Variants in OTOGL observed in about 807,000 individuals in gnomAD.
OTOGL encodes the protein otogelin like, also known as otogelin-like protein.
In OTOGL, 285 loss-of-function variants were observed where a neutral mutation model predicts 318.5. That is an observed-to-expected ratio of 0.89 (90% CI 0.81 to 0.99). The LOEUF (loss-of-function observed/expected upper bound fraction) is 0.99, where lower values mean the gene tolerates loss of function less well. Ranked by LOEUF, OTOGL falls within the 50% of genes least tolerant of loss-of-function variation. The pLI, the probability that OTOGL is intolerant of heterozygous loss-of-function variation, is 0.00. For synonymous variants in OTOGL, 987 were observed against 936.5 expected (o/e 1.05, Z -0.99); for missense variants, 2,899 against 2,845.6 (o/e 1.02, Z -0.43).
At chr12:80,305,825 C>A in intron 29 of OTOGL, 130 bp downstream of exon 29, 1 of 770,308 alleles carries the variant, frequency 1.3e-6, no homozygotes, top group Non-Finnish European at 1.8e-6. Flanking sequence ...AGCTGATAAA[C>A]ATTCATATTT....
chr12:80,121,578 C>T (rs900553426), intron 1 of OTOGL, among the ~76,000 whole-genome samples: 4 of 152,056 alleles, frequency 2.6e-5, no homozygotes, highest in African/African-American at 9.7e-5. Context: ...CGAAACAAAA[C>T]AAAATAAAAA....
intron 29 of OTOGL, 137 bp downstream of exon 29, chr12:80,305,832 A>G: frequency 2.7e-6 from 2 of 742,702 alleles, no homozygotes; most frequent in Non-Finnish European, 3.8e-6. Flanking sequence ...AAACATTCAT[A>G]TTTATCTTCT....
chr12:80,209,466 C>T lies in OTOGL; in HGVS notation c.35C>T (p.Pro12Leu), dbSNP rs1488132683. The T allele has an allele frequency of 6.6e-7, 1 of 1,514,276 alleles. No individual in the cohort carries two copies. Among genetic ancestry groups the T allele is most frequent in the South Asian group, 1.2e-5 (1 of 80,946 alleles). The allele number at this position is 1,514,276 out of a possible 1,614,324, so 93.8% of individuals were successfully genotyped here. A position where few individuals can be genotyped will look rare whatever the true frequency, so the allele number is the denominator to read the frequency against. Reference sequence around the variant, plus strand: ...GTAAGAAAACTCAATTTAATGATACCTTGGAGTATATTCTTGCTTCATGTA... The same window carrying T: ...GTAAGAAAACTCAATTTAATGATACTTTGGAGTATATTCTTGCTTCATGTA... ...NIVRKLNLMI[P>L]WSIFLLHVLL... The change falls in exon 2 of 59, where the codon CCT (proline) becomes CTT (leucine). Residue 12 changes from proline to leucine, a missense_variant. Pro to Leu is a moderately conservative substitution (Grantham distance 98). This residue lies in a region of OTOGL where 2,607 missense variants were observed against 2,524.9 expected (regional missense o/e 1.03). Coordinates refer to ENST00000547103, the MANE Select transcript of OTOGL (RefSeq NM_001378609.3).
intron 52 of OTOGL, among the ~76,000 whole-genome samples, chr12:80,361,652 G>A (rs1344249597): frequency 6.6e-6 from 1 of 151,944 alleles, no homozygotes. Flanking sequence ...GCTATCTTTT[G>A]TCTTCTTGAT....
chr12:80,222,343 A>G, intron 7 of OTOGL, 98 bp downstream of exon 7: 2 of 1,159,860 alleles, frequency 1.7e-6, no homozygotes, highest in Non-Finnish European at 2.3e-6. Context: ...ATATACTAAT[A>G]ATAGAATGAA....
chr12:80,328,665 G>C lies in OTOGL; in HGVS notation c.4200G>C (p.Pro1400=), dbSNP rs780895973. Residue 1400 remains proline (P), a splice_region_variant and synonymous_variant, in exon 36 of 59, where the codon CCG becomes CCC. Coordinates refer to ENST00000547103, the MANE Select transcript of OTOGL (RefSeq NM_001378609.3). ...PEALACKFLP[P]VEGCLPYCPK... is the part of the protein sequence containing the mutation. ...GATTTACTCTTTTTTCCATGTAAAGGGTTGAAGGATGCTTGCCCTACTGCC... is the reference window on the plus strand; with the variant it reads ...GATTTACTCTTTTTTCCATGTAAAGCGTTGAAGGATGCTTGCCCTACTGCC... 3.8e-6 allele frequency: 6 copies of C among 1,591,122 alleles called. No individual in the cohort carries two copies. The highest frequency in any genetic ancestry group is 5.2e-6 in the Non-Finnish European group (6 of 1,160,036).
intron 57 of OTOGL, among the ~76,000 whole-genome samples, chr12:80,372,791 C>G (rs1284448959): frequency 2.0e-5 from 3 of 151,816 alleles, no homozygotes; most frequent in Admixed American, 6.6e-5. Context: ...CGGGTCCAAG[C>G]AATTCTCATG....
intron 1 of OTOGL, among the ~76,000 whole-genome samples, chr12:80,113,282 GTCT>G (rs1464103773): frequency 6.6e-5 from 10 of 152,114 alleles, no homozygotes; most frequent in Middle Eastern, 3.4e-3. Context: ...GTTATTTCTT[GTCT>G]TCTTCTAGCT....
intron 1 of OTOGL, among the ~76,000 whole-genome samples, chr12:80,203,944 C>A (rs1876635486): frequency 6.6e-6 from 1 of 152,146 alleles, no homozygotes; most frequent in South Asian, 2.1e-4. Flanking sequence ...TAAGAATCAC[C>A]TCTGCATTCT....
chr12:80,223,535 A>G (rs958466690), intron 7 of OTOGL, among the ~76,000 whole-genome samples: 1 of 152,106 alleles, frequency 6.6e-6, no homozygotes, highest in Non-Finnish European at 1.5e-5. Flanking sequence ...GTACTAGTTT[A>G]AATTACCAAC....
intron 11 of OTOGL, among the ~76,000 whole-genome samples, chr12:80,240,751 G>T (rs960205167): frequency 6.6e-6 from 1 of 152,054 alleles, no homozygotes; most frequent in Non-Finnish European, 1.5e-5. Flanking sequence ...TAAGGTCACA[G>T]ATTCCTGCAT....
chr12:80,342,568 C>T (rs1888851109), intron 44 of OTOGL, among the ~76,000 whole-genome samples: 1 of 152,148 alleles, frequency 6.6e-6, no homozygotes, highest in Non-Finnish European at 1.5e-5. Flanking sequence ...TTTACTTGGT[C>T]TTTATTAGTC....
rs1177351256 is a variant in OTOGL, at chr12:80,279,146, T to C, written c.2908T>C (p.Cys970Arg). 3.1e-6 allele frequency: 5 copies of C among 1,591,098 alleles called. No individual in the cohort carries two copies. Among genetic ancestry groups the C allele is most frequent in the Non-Finnish European group, 4.3e-6 (5 of 1,175,644 alleles). The change falls in exon 26 of 59, where the codon TGC becomes CGC. Residue 970 changes from cysteine (C) to arginine (R), a missense_variant. Cys to Arg is a radical substitution (Grantham distance 180, BLOSUM62 -3). This residue lies in a region of OTOGL where 2,607 missense variants were observed against 2,524.9 expected (regional missense o/e 1.03). Transcript: ENST00000547103. ...DGLEYDYISD[C>R]QVFLIKSADD... ...ACTAGAATATGACTATATCAGTGAT[T>C]GCCAGGTGTTTTTGATAAAGGTAGG... is the stretch of plus-strand genomic sequence containing the variant.
intron 1 of OTOGL, among the ~76,000 whole-genome samples, chr12:80,126,955 T>A (rs1316913938): frequency 6.6e-6 from 1 of 152,192 alleles, no homozygotes; most frequent in African/African-American, 2.4e-5. Context: ...GAGATGGGTT[T>A]CCTGAATACA....
At chr12:80,349,755 G>C (rs1241133878) in intron 44 of OTOGL, among the ~76,000 whole-genome samples, 2 of 151,994 alleles carry the variant, frequency 1.3e-5, no homozygotes, top group African/African-American at 2.4e-5. Context: ...TGAAAAGAAA[G>C]TCAAATCTTA....
At chr12:80,101,213 A>AAAGGTTG (rs1162326045) in intron 1 of OTOGL, among the ~76,000 whole-genome samples, 1 of 152,172 alleles carries the variant, frequency 6.6e-6, no homozygotes, top group African/African-American at 2.4e-5. Context: ...CTCCTACGTG[A>AAAGGTTG]AAGGTTGATG....
chr12:80,314,502 G>A (rs952376752), intron 32 of OTOGL, among the ~76,000 whole-genome samples, 171 bp downstream of exon 32: 1 of 151,982 alleles, frequency 6.6e-6, no homozygotes, highest in Non-Finnish European at 1.5e-5. Flanking sequence ...CAGTATTTGT[G>A]TTAAGATTTA....
rs55860009 is a variant in OTOGL, at chr12:80,202,270, ATTT to A, written c.-19-7127_-19-7125del. ...CCTCTTGTCTAGTATCTTTTCTTTA[ATTT>A]TTTTTTTTTTTTTTTGAGAAGGAGT... On this transcript the variant is annotated intron_variant, in intron 1 of 58. Coordinates refer to ENST00000547103, the MANE Select transcript of OTOGL (RefSeq NM_001378609.3). Among the ~76,000 whole-genome samples the A allele has an allele frequency of 6.3e-4, 77 of 121,904 alleles. 1 individual carries two copies. The highest frequency in any genetic ancestry group is 2.3e-3 in the East Asian group (10 of 4,298). 80.0% of individuals were successfully genotyped at this position (121,904 alleles called of 152,430 possible).
chr12:80,168,102 C>T (rs969823598), intron 1 of OTOGL, among the ~76,000 whole-genome samples: 4 of 151,762 alleles, frequency 2.6e-5, no homozygotes, highest in African/African-American at 7.3e-5. Context: ...AGACTCCAGG[C>T]GCACGCCACC....
Sources: allele counts gnomAD v4.1 joint callset (sites outside exome capture counted in the v4.1 genomes callset), GRCh38; gene constraint gnomAD v4.1.1; regional missense constraint gnomAD v4.1.1; transcripts MANE v1.5; gene names NCBI Gene and HGNC (gene_info 2026-07-23, HGNC 2026-07-21).